ADGRE3: variants seen among roughly 807,000 people sequenced by gnomAD.
The protein encoded by ADGRE3 is adhesion G protein-coupled receptor E3.
A neutral mutation model predicts 80.1 loss-of-function variants in ADGRE3; 88 were observed. The observed-to-expected ratio is 1.10, with a 90% confidence interval of 0.93 to 1.31. ADGRE3 has a LOEUF of 1.31. Among genes scored for constraint, ADGRE3 ranks in the 40% most tolerant of loss-of-function variants. The probability of loss-of-function intolerance (pLI) is 0.00; values close to 1 mark genes in which losing one functional copy is unlikely to be tolerated. For missense variants in ADGRE3, 715 were observed against 776.5 expected (o/e 0.92, Z 0.94); for synonymous variants, 281 against 294.8 (o/e 0.95, Z 0.48).
chr19:14,625,991 T>TA (rs1970727764), intron 14 of ADGRE3, among the ~76,000 whole-genome samples: 1 of 152,070 alleles, frequency 6.6e-6, no homozygotes, highest in Non-Finnish European at 1.5e-5. Context: ...GGAAGATGAA[T>TA]AAAGTTCCGG....
intron 15 of ADGRE3, among the ~76,000 whole-genome samples, chr19:14,620,387 T>TTC (rs1970505935): frequency 6.8e-6 from 1 of 147,476 alleles, no homozygotes; most frequent in Non-Finnish European, 1.5e-5. Context: ...GATTCATATA[T>TTC]ACATGTATAT....
the ADGRE3 span, chr19:14,611,094 A>AT: frequency 6.6e-6 from 1 of 151,668 alleles, no homozygotes; most frequent in African/African-American, 2.4e-5. Context: ...ACAGAAATAC[A>AT]TTAAGTGGGC....
At chr19:14,661,664 G>A (rs932085413) in intron 4 of ADGRE3, among the ~76,000 whole-genome samples, 1 of 152,140 alleles carries the variant, frequency 6.6e-6, no homozygotes, top group African/African-American at 2.4e-5. Context: ...CTTTTCTGAT[G>A]TTAGATTCAA....
In ADGRE3 at chr19:14,647,486, G is replaced by A. The variant is rs60394103; in HGVS notation, c.698-121C>T. On this transcript the variant is annotated intron_variant, in intron 7 of 15. Coordinates refer to ENST00000253673, the MANE Select transcript of ADGRE3 (RefSeq NM_032571.5). ...GGCTGGAGTGCAGTGGCGTGATCTT[G>A]GCTCACTGCAACCTCCGCCTCCCGG... 1,269 of 719,670 alleles carry A rather than the reference G, an allele frequency of 1.8e-3. 21 individuals carry two copies. The African/African-American group carries it at 0.021, about 12-fold the overall frequency. 44.6% of individuals were successfully genotyped at this position (719,670 alleles called of 1,614,324 possible).
chr19:14,662,546 C>T lies in ADGRE3; in HGVS notation c.200-428G>A, dbSNP rs1056778202. 2.6e-5 allele frequency among the ~76,000 whole-genome samples: 4 copies of T among 152,024 alleles called. No individual in the cohort carries two copies. The East Asian group carries it at 5.8e-4, about 22-fold the overall frequency. ...GATTGCAGGCATGCACCACCACGCC[C>T]GGCTGATTTTTGTATTTTTAGTAGA... On this transcript the variant is annotated intron_variant, in intron 3 of 15. Coordinates refer to ENST00000253673, the MANE Select transcript of ADGRE3 (RefSeq NM_032571.5).
chr19:14,620,581 T>C (rs1196547520), intron 15 of ADGRE3, among the ~76,000 whole-genome samples: 2 of 32,140 alleles, frequency 6.2e-5, no homozygotes, highest in South Asian at 1.0e-3. Flanking sequence ...TTTTTTTTTT[T>C]TTTTTTTTTT....
At chr19:14,604,720 A>G in the ADGRE3 span, among the ~76,000 whole-genome samples, 1 of 152,030 alleles carries the variant, frequency 6.6e-6, no homozygotes, top group African/African-American at 2.4e-5. Flanking sequence ...CTGGGATCAC[A>G]CCACTGCATT....
the ADGRE3 span, chr19:14,610,981 T>C: frequency 6.6e-6 from 1 of 150,712 alleles, no homozygotes; most frequent in South Asian, 2.1e-4. Context: ...ATTTTTATTT[T>C]TACTTTCCCC....
At chr19:14,618,862 AAAAAAAAAAT>A (rs1442068868), downstream of ADGRE3, among the ~76,000 whole-genome samples, 9 of 150,792 alleles carry the variant, frequency 6.0e-5, no homozygotes, top group African/African-American at 2.2e-4. Flanking sequence ...AAAAAAAAAA[AAAAAAAAAAT>A]TAGCCTGTAT....
chr19:14,672,423 C>T (rs1318674961), intron 1 of ADGRE3, among the ~76,000 whole-genome samples: 2 of 152,138 alleles, frequency 1.3e-5, no homozygotes, highest in African/African-American at 4.8e-5. Flanking sequence ...CTTCTCTAAG[C>T]TTCCTTATGT....
chr19:14,638,798 CT>C (rs776568326), intron 10 of ADGRE3, among the ~76,000 whole-genome samples: 21 of 152,156 alleles, frequency 1.4e-4, no homozygotes, highest in Non-Finnish European at 2.4e-4. Context: ...CACTTCCCCC[CT>C]CAACCTCTGA....
chr19:14,640,400 C>T (rs552042258), intron 10 of ADGRE3, among the ~76,000 whole-genome samples: 6 of 152,172 alleles, frequency 3.9e-5, no homozygotes, highest in Admixed American at 3.9e-4. Flanking sequence ...AGCAATTCTC[C>T]TGCCTCAGCC....
chr19:14,614,323 G>T (rs4072516), downstream of ADGRE3, among the ~76,000 whole-genome samples: 42,718 of 152,028 alleles, frequency 0.28, 6,425 homozygotes, highest in Non-Finnish European at 0.34. Flanking sequence ...AGGGGTCTGT[G>T]GTCACGTCTC....
the ADGRE3 span, chr19:14,610,441 C>T: frequency 1.9e-6 from 1 of 532,746 alleles, no homozygotes; most frequent in Non-Finnish European, 3.4e-6. Flanking sequence ...TGGGAGGTCT[C>T]CCACTTCTGG....
chr19:14,638,377 A>G, intron 10 of ADGRE3, 37 bp from the exon 11 acceptor site: 1 of 1,532,896 alleles, frequency 6.5e-7, no homozygotes, highest in Non-Finnish European at 9.0e-7. Flanking sequence ...AGGGGTTGTC[A>G]GGGTGGAGTA....
chr19:14,638,427 G>C, intron 10 of ADGRE3, 87 bp from the exon 11 acceptor site: 1 of 948,726 alleles, frequency 1.1e-6, no homozygotes, highest in Non-Finnish European at 1.6e-6. Flanking sequence ...TTTGGGTTCA[G>C]AGCACCTGAC....
chr19:14,616,557 C>T (rs537249161), downstream of ADGRE3, among the ~76,000 whole-genome samples: 156 of 151,576 alleles, frequency 1.0e-3, 1 homozygote, highest in African/African-American at 3.6e-3. Flanking sequence ...ATCAGGGAAG[C>T]CAAGAGAAGA....
chr19:14,610,104 G>C, the ADGRE3 span: 1 of 1,612,982 alleles, frequency 6.2e-7, no homozygotes, highest in Non-Finnish European at 8.5e-7. Context: ...CCACGATGAG[G>C]ACTGTGCTAC....
intron 3 of ADGRE3, among the ~76,000 whole-genome samples, chr19:14,662,880 A>G (rs1015982071): frequency 1.8e-4 from 26 of 141,888 alleles, no homozygotes; most frequent in African/African-American, 6.9e-4. Flanking sequence ...CAGCCGGGAC[A>G]ATATAGTAAC....
Sources: allele counts gnomAD v4.1 joint callset (sites outside exome capture counted in the v4.1 genomes callset), GRCh38; gene constraint gnomAD v4.1.1; transcripts MANE v1.5; gene names NCBI Gene and HGNC (gene_info 2026-07-23, HGNC 2026-07-21).